PUDP: variants seen among roughly 807,000 people sequenced by gnomAD.
The protein encoded by PUDP is pseudouridine-5'-phosphatase.
Under a neutral mutation model 9.4 loss-of-function variants are expected in PUDP, and 8 were observed. The observed-to-expected ratio is 0.85, with a 90% CI of 0.50 to 1.53. The LOEUF (loss-of-function observed/expected upper bound fraction) is 1.53. PUDP is among the 40% of genes most tolerant of loss of function. The probability of loss-of-function intolerance (pLI) is 0.00; values close to 1 mark genes in which losing one functional copy is unlikely to be tolerated. For synonymous variants in PUDP, 99 were observed against 80.7 expected, an observed-to-expected ratio of 1.23 and a Z score of -1.22; for missense variants, 188 against 189.7, an observed-to-expected ratio of 0.99 and a Z score of 0.05.
At chrX:6,864,186 G>A (rs752938077) in intron 3 of PUDP, among the ~76,000 whole-genome samples, 33 of 111,700 alleles carry the variant, frequency 3.0e-4, no homozygotes, top group Non-Finnish European at 5.7e-4. Flanking sequence ...TCATCCACTG[G>A]AGATTCCTTT....
chrX:6,707,426 G>A (rs1373573006), intron 1 of PUDP, among the ~76,000 whole-genome samples: 3 of 111,683 alleles, frequency 2.7e-5, no homozygotes, highest in African/African-American at 9.8e-5. Context: ...TTATTACATT[G>A]TAATATATAA....
chrX:6,749,145 A>C (rs956902871), intron 3 of PUDP, among the ~76,000 whole-genome samples: 1 of 112,149 alleles, frequency 8.9e-6, no homozygotes, highest in African/African-American at 3.2e-5. Flanking sequence ...TTCTCTGTGC[A>C]TTAGAAAGAA....
intron 3 of PUDP, among the ~76,000 whole-genome samples, chrX:7,051,024 A>C (rs1447641927): frequency 9.0e-6 from 1 of 111,517 alleles, no homozygotes; most frequent in Non-Finnish European, 1.9e-5. Context: ...TAATCGCGAA[A>C]ATCCACTTTA....
intron 3 of PUDP, among the ~76,000 whole-genome samples, chrX:6,729,934 G>A (rs1168706846): frequency 1.8e-5 from 2 of 112,035 alleles, no homozygotes; most frequent in Non-Finnish European, 3.8e-5. Flanking sequence ...AAAGGATACC[G>A]GGGCAGGACT....
chrX:6,920,800 G>A (rs1928010321), intron 3 of PUDP, among the ~76,000 whole-genome samples: 1 of 111,751 alleles, frequency 8.9e-6, no homozygotes, highest in South Asian at 3.8e-4. Context: ...ACTTCCTGAG[G>A]CTGTGTCATG....
intron 2 of PUDP, among the ~76,000 whole-genome samples, chrX:7,094,935 T>C (rs1379718501): frequency 8.9e-6 from 1 of 111,732 alleles, no homozygotes; most frequent in African/African-American, 3.3e-5. Flanking sequence ...AGGTCCAGCT[T>C]TGCCAGCAGA....
intron 3 of PUDP, among the ~76,000 whole-genome samples, chrX:6,965,589 CA>C (rs1370821120): frequency 9.0e-6 from 1 of 111,616 alleles, no homozygotes; most frequent in African/African-American, 3.3e-5. Flanking sequence ...ATACTGTATA[CA>C]AATGCTAAAG....
At chrX:6,840,105 T>C (rs1926644500) in intron 3 of PUDP, among the ~76,000 whole-genome samples, 1 of 111,170 alleles carries the variant, frequency 9.0e-6, no homozygotes, top group Non-Finnish European at 1.9e-5. Context: ...ATCATGGAGG[T>C]GGTTCCTCCA....
intron 3 of PUDP, among the ~76,000 whole-genome samples, chrX:6,755,514 A>T (rs992340702): frequency 8.9e-6 from 1 of 111,954 alleles, no homozygotes; most frequent in African/African-American, 3.2e-5. Context: ...TGATTCCCGA[A>T]TTTTTAAGAA....
intron 1 of PUDP, among the ~76,000 whole-genome samples, chrX:7,140,423 A>T (rs1345243021): frequency 1.8e-5 from 2 of 111,578 alleles, no homozygotes; most frequent in Non-Finnish European, 3.8e-5. Flanking sequence ...AGAAGGTCTG[A>T]CCAGTCGCCT....
chrX:6,971,421 C>CT (rs762990448), intron 3 of PUDP, among the ~76,000 whole-genome samples: 1,110 of 99,363 alleles, frequency 0.011, 13 homozygotes, highest in African/African-American at 0.027. Context: ...TTTTTCTTTT[C>CT]TTTTTTTTTT....
rs781087738 is a variant in PUDP at position 6,903,637 on chromosome X, G to A, written c.*247+73496C>T. On this transcript the variant is annotated intron_variant and NMD_transcript_variant, in intron 3 of 3. Coordinates refer to the PUDP transcript ENST00000655425. ...AAAGGAATGAATTCACGTCCTTTAC[G>A]GCAACATGGATGCAGCAGAAGGCCA... 9.9e-5 allele frequency among the ~76,000 whole-genome samples: 11 copies of A among 111,001 alleles called. No homozygotes were observed. The East Asian group carries it at 1.7e-3, about 17-fold the overall frequency.
At chrX:7,034,677 G>T (rs1929831674) in intron 1 of PUDP, among the ~76,000 whole-genome samples, 1 of 111,503 alleles carries the variant, frequency 9.0e-6, no homozygotes, top group African/African-American at 3.3e-5. Context: ...TATCTATTGT[G>T]TATCTATCTA....
chrX:7,080,798 G>A (rs1038483271), intron 2 of PUDP, among the ~76,000 whole-genome samples: 3 of 109,757 alleles, frequency 2.7e-5, no homozygotes, highest in Admixed American at 9.8e-5. Context: ...AGTGCGTCCT[G>A]TAACCCGTTA....
At chrX:6,994,986 G>GA (rs1263936519) in intron 1 of PUDP, among the ~76,000 whole-genome samples, 2 of 110,728 alleles carry the variant, frequency 1.8e-5, no homozygotes, top group African/African-American at 3.3e-5. Context: ...TCAAAATATG[G>GA]AAAAAAAGAA....
At chrX:6,859,184 A>T (rs1196892506) in intron 3 of PUDP, among the ~76,000 whole-genome samples, 5 of 111,777 alleles carry the variant, frequency 4.5e-5, no homozygotes, top group African/African-American at 1.3e-4. Flanking sequence ...ACTGTGAGTC[A>T]ATTAAACCTT....
intron 1 of PUDP, among the ~76,000 whole-genome samples, chrX:7,002,228 T>C (rs1438822712): frequency 9.0e-6 from 1 of 111,407 alleles, no homozygotes; most frequent in African/African-American, 3.3e-5. Flanking sequence ...ATCAGGAAAA[T>C]GAGACATAGA....
chrX:6,822,209 C>G (rs745589533), intron 3 of PUDP, among the ~76,000 whole-genome samples: 2 of 111,940 alleles, frequency 1.8e-5, no homozygotes, highest in African/African-American at 6.5e-5. Flanking sequence ...CCCCAGACAA[C>G]AATGCCACTT....
chrX:6,736,834 G>A (rs1924877958), intron 3 of PUDP, among the ~76,000 whole-genome samples: 2 of 111,195 alleles, frequency 1.8e-5, no homozygotes, highest in Admixed American at 1.9e-4. Flanking sequence ...AGGAGAAATA[G>A]ACACTGGGGC....
Sources: allele counts gnomAD v4.1 joint callset (sites outside exome capture counted in the v4.1 genomes callset), GRCh38; gene constraint gnomAD v4.1.1; transcripts MANE v1.5; gene names NCBI Gene and HGNC (gene_info 2026-07-23, HGNC 2026-07-21).